The following AGBL4 variants were observed in gnomAD, a reference collection of about 807,000 sequenced individuals.
AGBL4 encodes the protein AGBL carboxypeptidase 4.
In AGBL4, 58 loss-of-function variants were observed where a neutral mutation model predicts 66.4. That is an observed-to-expected ratio of 0.87 (90% CI 0.71 to 1.09). AGBL4 has a LOEUF of 1.09. AGBL4 is among the 50% of genes least tolerant of loss of function. The pLI is 0.00. For missense variants in AGBL4, 579 were observed against 631.0 expected (o/e 0.92, Z 0.88); for synonymous variants, 234 against 222.9 (o/e 1.05, Z -0.44).
intron 5 of AGBL4, among the ~76,000 whole-genome samples, chr1:48,932,406 T>C (rs1655107637): frequency 6.6e-6 from 1 of 152,202 alleles, no homozygotes; most frequent in Non-Finnish European, 1.5e-5. Flanking sequence ...AAGATGCTGT[T>C]ACTCGTTGAA....
At chr1:49,975,586 G>A (rs1045950084) in intron 1 of AGBL4, among the ~76,000 whole-genome samples, 1 of 152,120 alleles carries the variant, frequency 6.6e-6, no homozygotes, top group Admixed American at 6.5e-5. Context: ...CTTGAGGTTT[G>A]CACGCTCCTG....
intron 11 of AGBL4, among the ~76,000 whole-genome samples, chr1:48,562,279 T>C (rs1644408343): frequency 1.3e-5 from 2 of 152,206 alleles, no homozygotes; most frequent in African/African-American, 4.8e-5. Context: ...TGTAGAATCC[T>C]GCTACATGGA....
intron 5 of AGBL4, among the ~76,000 whole-genome samples, chr1:48,974,129 G>A (rs1035698428): frequency 1.3e-5 from 2 of 152,114 alleles, no homozygotes; most frequent in South Asian, 2.1e-4. Context: ...GTACTCAAGG[G>A]TATGACCTTG....
In AGBL4 at chr1:49,781,915, G is replaced by A. The variant is rs557298786; in HGVS notation, c.157+69481C>T. 3.9e-5 allele frequency among the ~76,000 whole-genome samples: 6 copies of A among 152,060 alleles called. No individual in the cohort carries two copies. The South Asian group carries it at 6.2e-4, about 16-fold the overall frequency. On this transcript the variant is annotated intron_variant, in intron 2 of 13. Transcript: ENST00000371839. ...TAATGGGTCAAAAAAGAGATTACAA[G>A]GGAAATTAGAAAATACTTTGATTTC...
rs971631497 is a variant in AGBL4, at chr1:49,895,125, G to GA, written c.35-43608dup. On this transcript the variant is annotated intron_variant, in intron 1 of 13. Coordinates refer to ENST00000371839, the MANE Select transcript of AGBL4 (RefSeq NM_032785.4). ...GCATGACATATTTAACGTGCTGAAA[G>GA]AAAAAACTTTTATCCTAGAATAGTA... 4.1e-5 allele frequency among the ~76,000 whole-genome samples: 6 copies of GA among 146,716 alleles called. No individual in the cohort carries two copies. In the Admixed American group the frequency reaches 4.1e-4, roughly 10 times the overall value.
Position 48,653,452 on chromosome 1 carries a change from C to T in AGBL4, c.725-1G>A. The T allele has an allele frequency of 1.9e-6, 3 of 1,563,374 alleles. No homozygotes were observed. Among genetic ancestry groups the T allele is most frequent in the Non-Finnish European group, 2.6e-6 (3 of 1,152,274 alleles). On this transcript the variant is annotated splice_acceptor_variant, in intron 7 of 13. Coordinates refer to ENST00000371839, the MANE Select transcript of AGBL4 (RefSeq NM_032785.4). LOFTEE classifies it high-confidence loss of function. Reference sequence around the variant, plus strand: ...TGGCTTACAAGGAAGTCAATGATCCCTAGGGAAAGAGAAGAGCCCGGTTTA... The same window carrying T: ...TGGCTTACAAGGAAGTCAATGATCCTTAGGGAAAGAGAAGAGCCCGGTTTA...
intron 3 of AGBL4, among the ~76,000 whole-genome samples, chr1:49,473,309 T>C (rs1454610430): frequency 6.6e-6 from 1 of 152,122 alleles, no homozygotes; most frequent in Non-Finnish European, 1.5e-5. Flanking sequence ...ACATCTGTTA[T>C]GTTTTGACTT....
At chr1:49,896,289 ACATAAACACCCTGCTTTCAG>A (rs1388764093) in intron 1 of AGBL4, among the ~76,000 whole-genome samples, 2 of 152,102 alleles carry the variant, frequency 1.3e-5, no homozygotes, top group Non-Finnish European at 2.9e-5. Flanking sequence ...ATAGCTGGAG[ACATAAACACCCTGCTTTCAG>A]CATCAGAGAG....
chr1:48,872,358 T>G (rs746066716), intron 5 of AGBL4, among the ~76,000 whole-genome samples: 2 of 152,160 alleles, frequency 1.3e-5, no homozygotes, highest in Non-Finnish European at 2.9e-5. Context: ...AGTAGGAGAG[T>G]GTAAGTCACA....
intron 5 of AGBL4, among the ~76,000 whole-genome samples, chr1:48,928,536 G>A (rs1015245893): frequency 6.6e-6 from 1 of 152,030 alleles, no homozygotes; most frequent in East Asian, 1.9e-4. Flanking sequence ...TTTTCCCTCA[G>A]GCTTAGTATT....
intron 6 of AGBL4, among the ~76,000 whole-genome samples, chr1:48,697,593 G>A (rs572910210): frequency 6.6e-6 from 1 of 152,332 alleles, no homozygotes; most frequent in South Asian, 2.1e-4. Flanking sequence ...AACTAATCCA[G>A]ATGAATGGAT....
intron 3 of AGBL4, among the ~76,000 whole-genome samples, chr1:49,425,946 C>T (rs916265615): frequency 1.3e-5 from 2 of 152,166 alleles, no homozygotes; most frequent in African/African-American, 4.8e-5. Flanking sequence ...TGACGCCTGG[C>T]AAGTTCATTA....
chr1:50,005,204 C>G (rs1365766876), intron 1 of AGBL4, among the ~76,000 whole-genome samples: 1 of 152,116 alleles, frequency 6.6e-6, no homozygotes, highest in Non-Finnish European at 1.5e-5. Flanking sequence ...GATATGATGG[C>G]TTCAGGTCTG....
intron 6 of AGBL4, among the ~76,000 whole-genome samples, chr1:48,859,996 C>T (rs1647339332): frequency 6.6e-6 from 1 of 152,164 alleles, no homozygotes. Context: ...GGAAGATGTT[C>T]ACACTACATT....
intron 3 of AGBL4, among the ~76,000 whole-genome samples, chr1:49,426,971 T>A (rs962609250): frequency 6.6e-6 from 1 of 152,152 alleles, no homozygotes; most frequent in Non-Finnish European, 1.5e-5. Flanking sequence ...TCCTTATACA[T>A]GCTGTATTGT....
intron 3 of AGBL4, among the ~76,000 whole-genome samples, chr1:49,353,633 A>G (rs1359714006): frequency 2.0e-5 from 3 of 152,054 alleles, no homozygotes; most frequent in Non-Finnish European, 4.4e-5. Flanking sequence ...CATGGACCTA[A>G]ATGAGAAAAG....
chr1:49,150,485 C>G (rs1387029195), intron 4 of AGBL4, among the ~76,000 whole-genome samples: 1 of 152,124 alleles, frequency 6.6e-6, no homozygotes, highest in Non-Finnish European at 1.5e-5. Flanking sequence ...ATTGACTTGT[C>G]TTTAAGAGGA....
At chr1:48,626,241 C>T (rs923443713) in intron 9 of AGBL4, among the ~76,000 whole-genome samples, 1 of 152,196 alleles carries the variant, frequency 6.6e-6, no homozygotes, top group Non-Finnish European at 1.5e-5. Flanking sequence ...AACATTTCAA[C>T]AGGACATTCC....
chr1:48,884,424 T>C lies in AGBL4; in HGVS notation c.595-17194A>G, dbSNP rs560223849. Among the ~76,000 whole-genome samples, 14 of 152,200 alleles carry C rather than the reference T, an allele frequency of 9.2e-5. No individual in the cohort carries two copies. The South Asian group carries it at 2.9e-3, about 32-fold the overall frequency. ...TTTTTTCCTATATTGCACTTCTAAG[T>C]TTCTCATAGTTATGAGCCCACAGTA... On this transcript the variant is annotated intron_variant, in intron 5 of 13. Transcript: ENST00000371839.
Sources: allele counts gnomAD v4.1 joint callset (sites outside exome capture counted in the v4.1 genomes callset), GRCh38; gene constraint gnomAD v4.1.1; transcripts MANE v1.5; gene names NCBI Gene and HGNC (gene_info 2026-07-23, HGNC 2026-07-21).